Variants in TMEM255B observed in about 807,000 individuals in gnomAD.
TMEM255B encodes transmembrane protein 255B.
A neutral mutation model predicts 34.5 loss-of-function variants in TMEM255B; 35 were observed. The observed-to-expected ratio is 1.01, with a 90% CI of 0.77 to 1.34. TMEM255B has a LOEUF of 1.34. Among genes scored for constraint, TMEM255B ranks in the 40% most tolerant of loss-of-function variants. The pLI, the probability that TMEM255B is intolerant of heterozygous loss-of-function variation, is 0.00. For missense variants in TMEM255B, 432 were observed against 433.2 expected (o/e 1.00, Z 0.02); for synonymous variants, 206 against 201.2 (o/e 1.02, Z -0.20).
chr13:113,800,395 G>T (rs1458997331), intron 5 of TMEM255B, among the ~76,000 whole-genome samples: 3 of 151,524 alleles, frequency 2.0e-5, no homozygotes, highest in Non-Finnish European at 4.4e-5. Context: ...GAGGTGGCAG[G>T]TGTCTCTTCT....
chr13:113,811,216 G>C (rs1454342073), intron 8 of TMEM255B, among the ~76,000 whole-genome samples: 1 of 120,036 alleles, frequency 8.3e-6, no homozygotes, highest in Non-Finnish European at 1.7e-5. Flanking sequence ...TGGATCTGTG[G>C]GGGGGGCCGG....
At position 113,807,459 on chromosome 13, in the gene TMEM255B, T is replaced by TG. The variant is rs1233644876; in HGVS notation, c.813+2436dup. On this transcript the variant is annotated intron_variant, in intron 8 of 8. Coordinates refer to ENST00000375353, the MANE Select transcript of TMEM255B (RefSeq NM_182614.4). The stretch of plus-strand genomic sequence containing the variant: ...CCGTCACACGCAGGCTTACGGGATG[T>TG]GGGGGTGGTCCTCCCCGTCACACGC... Among the ~76,000 whole-genome samples, 97 of 115,868 alleles carry TG rather than the reference T, an allele frequency of 8.4e-4. 1 individual carries two copies. Among genetic ancestry groups the TG allele is most frequent in the African/African-American group, 2.6e-3 (74 of 28,022 alleles). 76.0% of individuals were successfully genotyped at this position (115,868 alleles called of 152,430 possible). A position where few individuals can be genotyped will look rare whatever the true frequency, so the allele number is the denominator to read the frequency against.
intron 3 of TMEM255B, among the ~76,000 whole-genome samples, chr13:113,791,225 C>T (rs1390449107): frequency 6.6e-6 from 1 of 152,194 alleles, no homozygotes; most frequent in East Asian, 1.9e-4. Flanking sequence ...GGAAGGTGAA[C>T]ATCTAGGGCC....
At chr13:113,782,230 G>T (rs1165944642) in intron 3 of TMEM255B, among the ~76,000 whole-genome samples, 1 of 151,916 alleles carries the variant, frequency 6.6e-6, no homozygotes, top group Non-Finnish European at 1.5e-5. Flanking sequence ...CTTTAAATAA[G>T]CTTTGAATTA....
At chr13:113,785,550 C>T (rs529303895) in intron 3 of TMEM255B, among the ~76,000 whole-genome samples, 8 of 152,352 alleles carry the variant, frequency 5.3e-5, no homozygotes, top group East Asian at 1.9e-4. Context: ...ATAGACCCAC[C>T]GGAGGAGAGA....
chr13:113,806,372 C>T lies in TMEM255B; in HGVS notation c.813+1344C>T, dbSNP rs777092469. 2.6e-5 allele frequency among the ~76,000 whole-genome samples: 4 copies of T among 152,100 alleles called. No homozygotes were observed. Among genetic ancestry groups the T allele is most frequent in the African/African-American group, 4.8e-5 (2 of 41,410 alleles). On this transcript the variant is annotated intron_variant, in intron 8 of 8. Coordinates refer to ENST00000375353, the MANE Select transcript of TMEM255B (RefSeq NM_182614.4). The surrounding 1 kb of genome is among the most constrained non-coding windows in gnomAD (Gnocchi z 4.2). ...TGGGTCAGCCACCTTCAGCCATGCC[C>T]GGGACACAGCAGCTGTTGGGCTCAG...
At chr13:113,794,050 C>T (rs1047447923) in intron 3 of TMEM255B, among the ~76,000 whole-genome samples, 28 of 152,280 alleles carry the variant, frequency 1.8e-4, no homozygotes, top group Admixed American at 1.7e-3. Context: ...TTGCGGGTGA[C>T]GATAGGTGTG....
At chr13:113,810,172 G>A (rs2138588605) in intron 8 of TMEM255B, among the ~76,000 whole-genome samples, 1 of 152,334 alleles carries the variant, frequency 6.6e-6, no homozygotes, top group Middle Eastern at 3.4e-3. Context: ...TGAACACGCA[G>A]GCTCAGACAG....
intron 3 of TMEM255B, among the ~76,000 whole-genome samples, chr13:113,771,203 T>G (rs907520745): frequency 1.3e-5 from 2 of 152,172 alleles, no homozygotes; most frequent in Non-Finnish European, 2.9e-5. Flanking sequence ...TCTCTGTAGA[T>G]TCCTACTCTG....
Position 113,812,849 on chromosome 13 carries a change from ACAGGCATCCCGG to A in TMEM255B, c.*947_*958del, listed in dbSNP as rs1167206988. On this transcript the variant is annotated 3_prime_UTR_variant, in exon 9 of 9. Coordinates refer to ENST00000375353, the MANE Select transcript of TMEM255B (RefSeq NM_182614.4). ...GTGGGTCACAGGTCCCGGGTGGGTCACAGGCATCCCGGGTGGGTCACAGGTCCCGAGTGGGTC... is the reference window on the plus strand; with the variant it reads ...GTGGGTCACAGGTCCCGGGTGGGTCAGTGGGTCACAGGTCCCGAGTGGGTC... 4 of 169,332 alleles carry A rather than the reference ACAGGCATCCCGG, an allele frequency of 2.4e-5. No homozygotes were observed. Among genetic ancestry groups the A allele is most frequent in the African/African-American group, 7.6e-5 (3 of 39,658 alleles). 10.5% of individuals were successfully genotyped at this position (169,332 alleles called of 1,614,324 possible).
At chr13:113,763,466 C>T (rs766626522) in intron 1 of TMEM255B, among the ~76,000 whole-genome samples, 1 of 152,154 alleles carries the variant, frequency 6.6e-6, no homozygotes, top group African/African-American at 2.4e-5. Flanking sequence ...CGGGATCTGT[C>T]GCCATCGCTC....
rs1213512188 is a variant in TMEM255B at position 113,795,152 on chromosome 13, T to C, written c.257T>C (p.Val86Ala). 2 of 1,613,928 alleles carry C rather than the reference T, an allele frequency of 1.2e-6. No homozygotes were observed. Among genetic ancestry groups the C allele is most frequent in the East Asian group, 4.5e-5 (2 of 44,892 alleles). Residue 86 changes from valine (V) to alanine (A), a missense_variant, in exon 4 of 9, where the codon GTG (valine) becomes GCG (alanine). By Grantham distance (64) the Val-to-Ala change is moderately conservative (BLOSUM62 0). Coordinates refer to ENST00000375353, the MANE Select transcript of TMEM255B (RefSeq NM_182614.4). ...ACACCTCTCCTTCTGTTGCAGCTGG[T>C]GGCAGCGATCGTGTTTATCAGTTTT... Reference protein sequence around the residue: ...NLVENRRQMLVAAIVFISFGV... With the variant: ...NLVENRRQMLAAAIVFISFGV...
At chr13:113,803,595 G>A (rs1329017531) in intron 7 of TMEM255B, among the ~76,000 whole-genome samples, 1 of 150,882 alleles carries the variant, frequency 6.6e-6, no homozygotes, top group Admixed American at 6.6e-5. Context: ...GCCACCGCCA[G>A]CTCAGAGGCC....
chr13:113,769,985 C>G lies in TMEM255B; in HGVS notation c.252+825C>G, dbSNP rs1430429499. ...ATGACCTGTGTCGGGCCCCCAACCC[C>G]TGCCTGTTCCCAGTTCCCAGGCCGA... is the stretch of plus-strand genomic sequence containing the variant. On this transcript the variant is annotated intron_variant, in intron 3 of 8. Coordinates refer to ENST00000375353, the MANE Select transcript of TMEM255B (RefSeq NM_182614.4). The surrounding 1 kb of genome is among the most constrained non-coding windows in gnomAD (Gnocchi z 4.2). Among the ~76,000 whole-genome samples the G allele has an allele frequency of 6.6e-6, 1 of 152,178 alleles. No homozygotes were observed. Among genetic ancestry groups the G allele is most frequent in the Non-Finnish European group, 1.5e-5 (1 of 68,026 alleles).
At chr13:113,788,804 T>G (rs1365273621) in intron 3 of TMEM255B, among the ~76,000 whole-genome samples, 2 of 152,030 alleles carry the variant, frequency 1.3e-5, no homozygotes, top group Non-Finnish European at 2.9e-5. Flanking sequence ...GCCGCTGCCC[T>G]CACCCCAGCC....
intron 3 of TMEM255B, among the ~76,000 whole-genome samples, chr13:113,771,690 A>C (rs1173892928): frequency 6.6e-6 from 1 of 152,022 alleles, no homozygotes; most frequent in Non-Finnish European, 1.5e-5. Context: ...AATAATAATA[A>C]TAACAATGAT....
At chr13:113,796,957 GCA>G (rs151112808) in intron 4 of TMEM255B, among the ~76,000 whole-genome samples, 18 of 152,040 alleles carry the variant, frequency 1.2e-4, no homozygotes, top group African/African-American at 4.1e-4. Flanking sequence ...ACACTCGCGC[GCA>G]CACACACACT....
At chr13:113,790,918 C>A (rs1317311575) in intron 3 of TMEM255B, among the ~76,000 whole-genome samples, 3 of 152,236 alleles carry the variant, frequency 2.0e-5, no homozygotes, top group Admixed American at 6.5e-5. Flanking sequence ...ACCTTTCACA[C>A]TGAAAGAGCG....
intron 4 of TMEM255B, among the ~76,000 whole-genome samples, chr13:113,796,915 G>A (rs1381218624): frequency 1.3e-5 from 2 of 151,476 alleles, no homozygotes; most frequent in African/African-American, 4.9e-5. Flanking sequence ...ACGTGCGTGC[G>A]CACGCATGCA....
Sources: allele counts gnomAD v4.1 joint callset (sites outside exome capture counted in the v4.1 genomes callset), GRCh38; gene constraint gnomAD v4.1.1; non-coding constraint Gnocchi (gnomAD v3.1); transcripts MANE v1.5; gene names NCBI Gene and HGNC (gene_info 2026-07-23, HGNC 2026-07-21).